Variants in HK1 observed in about 807,000 individuals in gnomAD.
HK1 encodes the protein hexokinase 1, also known as hexokinase-1.
HK1 carries 28 observed loss-of-function variants against 91.6 expected under a neutral mutation model. The observed-to-expected ratio is 0.31, with a 90% confidence interval of 0.23 to 0.42. The LOEUF (loss-of-function observed/expected upper bound fraction) is 0.42, where lower values mean the gene tolerates loss of function less well. Among genes scored for constraint, HK1 ranks in the 10% least tolerant of loss-of-function variants. The pLI, the probability that HK1 is intolerant of heterozygous loss-of-function variation, is 1.00. For synonymous variants in HK1, 430 were observed against 468.1 expected, an observed-to-expected ratio of 0.92 and a Z score of 1.05; for missense variants, 770 against 1,219.8, an observed-to-expected ratio of 0.63 and a Z score of 5.49.
intron 1 of HK1, chr10:69,278,899 G>T (rs764439926): frequency 2.0e-5 from 3 of 152,204 alleles, no homozygotes; most frequent in African/African-American, 4.8e-5. Context: ...TTGGCGGGAA[G>T]CCAGTTGAAG....
chr10:69,338,376 C>T, intron 1 of HK1: 2 of 1,192,128 alleles, frequency 1.7e-6, no homozygotes, highest in Non-Finnish European at 2.1e-6. Context: ...CTTCCCATTT[C>T]CATCCCAGCC....
At chr10:69,280,528 C>T (rs143238128) in intron 1 of HK1, among the ~76,000 whole-genome samples, 89 of 152,252 alleles carry the variant, frequency 5.8e-4, no homozygotes, top group Non-Finnish European at 9.3e-4. Context: ...ACCTAATCTC[C>T]GATATGATAA....
intron 3 of HK1, among the ~76,000 whole-genome samples, chr10:69,361,788 A>G (rs1230657271): frequency 6.6e-6 from 1 of 152,134 alleles, no homozygotes; most frequent in South Asian, 2.1e-4. Context: ...GATAATCATG[A>G]TAATGTAGTA....
In HK1 at chr10:69,332,793, A is replaced by G. The variant is rs111257342; in HGVS notation, c.64-11034A>G. Among the ~76,000 whole-genome samples, 84 of 152,268 alleles carry G rather than the reference A, an allele frequency of 5.5e-4. 1 individual carries two copies. Among genetic ancestry groups the G allele is most frequent in the African/African-American group, 1.9e-3 (81 of 41,558 alleles). On this transcript the variant is annotated intron_variant, in intron 1 of 17. Coordinates refer to ENST00000359426, the MANE Select transcript of HK1 (RefSeq NM_000188.3). ...TTGGAAAGTGTACACAACTGTACAAATGCCAGGTGTTATCATTGTCACTCA... is the reference window on the plus strand; with the variant it reads ...TTGGAAAGTGTACACAACTGTACAAGTGCCAGGTGTTATCATTGTCACTCA...
chr10:69,376,311 G>A (rs1367946445), intron 7 of HK1, among the ~76,000 whole-genome samples: 1 of 152,070 alleles, frequency 6.6e-6, no homozygotes, highest in East Asian at 1.9e-4. Context: ...GGGCCCATGA[G>A]TTCGAAACCA....
intron 1 of HK1, among the ~76,000 whole-genome samples, chr10:69,330,991 C>T (rs960604598): frequency 3.3e-5 from 5 of 151,970 alleles, no homozygotes; most frequent in Non-Finnish European, 7.4e-5. Context: ...GCAATTCTCC[C>T]ACCTCGGTCT....
At position 69,294,083 on chromosome 10, in the gene HK1, G is replaced by C. The variant is rs367907990; in HGVS notation, c.-114-1550G>C. Among the ~76,000 whole-genome samples the C allele has an allele frequency of 7.9e-5, 12 of 151,968 alleles. No homozygotes were observed. The East Asian group carries it at 1.9e-3, about 25-fold the overall frequency. On this transcript the variant is annotated intron_variant, in intron 3 of 21. Transcript: ENST00000360289. ...TCACCGTGTTAGCCAGGATGGTCTCGATCTCCTGACCTTGTGATCCACCCG... is the reference window on the plus strand; with the variant it reads ...TCACCGTGTTAGCCAGGATGGTCTCCATCTCCTGACCTTGTGATCCACCCG...
chr10:69,389,571 G>A (rs1839803656), intron 14 of HK1, among the ~76,000 whole-genome samples: 1 of 152,112 alleles, frequency 6.6e-6, no homozygotes, highest in Non-Finnish European at 1.5e-5. Context: ...GGACCCAAAA[G>A]GCTCACTTGG....
intron 3 of HK1, 55 bp downstream of exon 3, chr10:69,360,100 C>G (rs907917955): frequency 6.4e-7 from 1 of 1,556,952 alleles, no homozygotes; most frequent in Admixed American, 1.7e-5. Flanking sequence ...CCTTGGTTAC[C>G]TCCAGGAACC....
chr10:69,382,556 G>T lies in HK1; in HGVS notation c.1335G>T (p.Ser445=), dbSNP rs376133658. ...VPDSDVRFLL[S]ESGSGKGAAM... ...ACTCCGATGTGCGCTTCCTCCTCTC[G>T]GAGAGTGGCAGCGGCAAGGGGGCTG... is the stretch of plus-strand genomic sequence containing the variant. The change falls in exon 10 of 18, where the codon TCG becomes TCT. Residue 445 remains serine (S), a synonymous_variant. Coordinates refer to ENST00000359426, the MANE Select transcript of HK1 (RefSeq NM_000188.3). 3 of 1,614,174 alleles carry T rather than the reference G, an allele frequency of 1.9e-6. No homozygotes were observed. Among genetic ancestry groups the T allele is most frequent in the Non-Finnish European group, 2.5e-6 (3 of 1,180,038 alleles).
At chr10:69,334,477 G>A (rs566934742) in intron 1 of HK1, among the ~76,000 whole-genome samples, 48 of 152,332 alleles carry the variant, frequency 3.2e-4, no homozygotes, top group African/African-American at 1.1e-3. Flanking sequence ...CTGAGGGGAA[G>A]GCAGGGGTTA....
intron 5 of HK1, among the ~76,000 whole-genome samples, chr10:69,304,425 A>T (rs1481057299): frequency 6.6e-6 from 1 of 151,988 alleles, no homozygotes; most frequent in South Asian, 2.1e-4. Flanking sequence ...CTCCTGCCTC[A>T]GCCTCCCAAG....
In HK1 at chr10:69,384,793, C is replaced by T. The variant is rs1256697528; in HGVS notation, c.1720-3C>T. 2.5e-6 allele frequency: 4 copies of T among 1,614,244 alleles called. No individual in the cohort carries two copies. In the Admixed American group the frequency reaches 5.0e-5, roughly 20 times the overall value. ...ACGGGCGATCCTTTCTTTTCCCCTG[C>T]AGCTGTTTGATCACATTGTCTCCTG... On this transcript the variant is annotated splice_polypyrimidine_tract_variant and splice_region_variant and intron_variant, in intron 11 of 17. Coordinates refer to ENST00000359426, the MANE Select transcript of HK1 (RefSeq NM_000188.3).
At chr10:69,272,291 AT>A (rs1004693584) in intron 1 of HK1, among the ~76,000 whole-genome samples, 1 of 152,116 alleles carries the variant, frequency 6.6e-6, no homozygotes, top group African/African-American at 2.4e-5. Flanking sequence ...ATTAATTTGT[AT>A]TTTTTTCCCA....
intron 4 of HK1, chr10:69,296,464 A>G (rs1410078056): frequency 6.6e-6 from 1 of 152,230 alleles, no homozygotes. Flanking sequence ...TTTTGAAAAT[A>G]AATAAGACTC....
In HK1 at chr10:69,318,878, C is replaced by A. The variant is rs1313093397; in HGVS notation, c.-70C>A. 6.6e-7 allele frequency: 1 copy of A among 1,519,028 alleles called. No homozygotes were observed. Among genetic ancestry groups the A allele is most frequent in the African/African-American group, 1.4e-5 (1 of 69,196 alleles). The allele number at this position is 1,519,028 out of a possible 1,614,324, so 94.1% of individuals were successfully genotyped here. ...GAGCCGCCGAGCAGCCGCCGGAGGA[C>A]CACGGCTCGCCAGGGCTGCGGAGGA... is the stretch of plus-strand genomic sequence containing the variant. On this transcript the variant is annotated 5_prime_UTR_variant, in exon 1 of 18. Transcript: ENST00000359426.
intron 17 of HK1, among the ~76,000 whole-genome samples, 184 bp from the exon 18 acceptor site, chr10:69,400,806 CT>C (rs1840351702): frequency 6.6e-6 from 1 of 152,202 alleles, no homozygotes; most frequent in Non-Finnish European, 1.5e-5. Flanking sequence ...GTTCACCCTC[CT>C]TGTTGTTGGG....
chr10:69,318,851 AGG>A lies in HK1; in HGVS notation c.-96_-95del. 6.7e-7 allele frequency: 1 copy of A among 1,489,150 alleles called. No homozygotes were observed. The highest frequency in any genetic ancestry group is 8.9e-7 in the Non-Finnish European group (1 of 1,120,960). The allele number at this position is 1,489,150 out of a possible 1,614,324, so 92.2% of individuals were successfully genotyped here. A position where few individuals can be genotyped will look rare whatever the true frequency, so the allele number is the denominator to read the frequency against. ...GAGGAGCCGGGGGAGGAGGAGGAGGAGGAGCCGCCGAGCAGCCGCCGGAGGAC... is the reference window on the plus strand; with the variant it reads ...GAGGAGCCGGGGGAGGAGGAGGAGGAAGCCGCCGAGCAGCCGCCGGAGGAC... On this transcript the variant is annotated 5_prime_UTR_variant, in exon 1 of 18. Transcript: ENST00000359426.
In HK1 at chr10:69,379,959, A is replaced by G. The variant is rs754185312; in HGVS notation, c.1129A>G (p.Ile377Val). 1.9e-6 allele frequency: 3 copies of G among 1,614,170 alleles called. No homozygotes were observed. In the East Asian group the frequency reaches 6.7e-5, roughly 36 times the overall value. Residue 377 changes from isoleucine (I) to valine (V), a missense_variant, in exon 9 of 18, where the codon ATT becomes GTT. Ile to Val is a conservative substitution (Grantham distance 29, BLOSUM62 3). Coordinates refer to ENST00000359426, the MANE Select transcript of HK1 (RefSeq NM_000188.3). ...DCVSVQHVCT[I>V]VSFRSANLVA... ...TGTCTCAGTCCAGCACGTTTGCACC[A>G]TTGTCTCATTTCGCTCAGCCAACTT...
Sources: gnomAD v4.1 joint callset for allele counts (sites outside exome capture counted in the v4.1 genomes callset) on GRCh38, gnomAD v4.1.1 for gene constraint, MANE v1.5 for transcripts, NCBI Gene and HGNC (gene_info 2026-07-23, HGNC 2026-07-21) for gene names.